The following GRM7 variants were observed in gnomAD, a reference collection of about 807,000 sequenced individuals.
The protein encoded by GRM7 is glutamate metabotropic receptor 7.
Under a neutral mutation model 84.5 loss-of-function variants are expected in GRM7, and 35 were observed. The observed-to-expected ratio is 0.41, with a 90% CI of 0.32 to 0.55. The LOEUF (loss-of-function observed/expected upper bound fraction) is 0.55, where lower values mean the gene tolerates loss of function less well. Ranked by LOEUF, GRM7 falls within the 20% of genes least tolerant of loss-of-function variation. The probability of loss-of-function intolerance (pLI) is 0.19; values close to 1 mark genes in which losing one functional copy is unlikely to be tolerated. For missense variants in GRM7, 1,003 were observed against 1,194.6 expected, an observed-to-expected ratio of 0.84 and a Z score of 2.36; for synonymous variants, 487 against 455.1, an observed-to-expected ratio of 1.07 and a Z score of -0.89.
chr3:7,697,395 CAGA>C (rs1161061807), intron 9 of GRM7, among the ~76,000 whole-genome samples: 3 of 152,030 alleles, frequency 2.0e-5, no homozygotes. Flanking sequence ...AAGTAAGGCT[CAGA>C]GAGGCTAAGA....
intron 7 of GRM7, among the ~76,000 whole-genome samples, chr3:7,502,112 A>G (rs764078730): frequency 7.2e-5 from 11 of 152,104 alleles, no homozygotes; most frequent in Non-Finnish European, 1.6e-4. Flanking sequence ...AAGCTTCACT[A>G]TCCTTATCTA....
rs139673808 is a variant in GRM7, at chr3:7,188,872, C to T, written c.736+42204C>T. Among the ~76,000 whole-genome samples, 48 of 152,328 alleles carry T rather than the reference C, an allele frequency of 3.2e-4. No individual in the cohort carries two copies. In the East Asian group the frequency reaches 7.1e-3, roughly 23 times the overall value. ...GACAGAGTAAAAGACACACCTGCTT[C>T]TTAACACCTACGGTTTTAAAGAAAT... On this transcript the variant is annotated intron_variant, in intron 2 of 9. Transcript: ENST00000357716. This position sits in a 1 kb window ranked among gnomAD's most constrained non-coding sequence, Gnocchi z 4.2.
chr3:7,685,459 C>T (rs751894272), intron 9 of GRM7, among the ~76,000 whole-genome samples: 37 of 151,980 alleles, frequency 2.4e-4, no homozygotes, highest in African/African-American at 3.6e-4. Context: ...AGATGGCAGG[C>T]GGGTGGACAG....
intron 2 of GRM7, among the ~76,000 whole-genome samples, chr3:7,244,483 A>T (rs1475303922): frequency 6.6e-6 from 1 of 152,130 alleles, no homozygotes; most frequent in South Asian, 2.1e-4. Context: ...GTCTCAGCAG[A>T]TATTTCAGCA....
At chr3:7,365,522 A>C (rs1408274967) in intron 4 of GRM7, among the ~76,000 whole-genome samples, 2 of 151,412 alleles carry the variant, frequency 1.3e-5, no homozygotes, top group African/African-American at 4.8e-5. Context: ...TCTTTTTAAT[A>C]GATTCCTTCA....
At chr3:7,613,907 A>G (rs527866852) in intron 8 of GRM7, among the ~76,000 whole-genome samples, 1 of 152,332 alleles carries the variant, frequency 6.6e-6, no homozygotes, top group African/African-American at 2.4e-5. Flanking sequence ...TCAAATGTTA[A>G]TTTAAAAATT....
chr3:6,963,462 A>G (rs777044580), intron 1 of GRM7, among the ~76,000 whole-genome samples: 6 of 152,200 alleles, frequency 3.9e-5, no homozygotes, highest in Non-Finnish European at 5.9e-5. Flanking sequence ...CTAACTGAAG[A>G]AGAGAATGCA....
intron 8 of GRM7, among the ~76,000 whole-genome samples, chr3:7,582,314 T>C (rs1210393911): frequency 1.3e-5 from 2 of 152,178 alleles, no homozygotes; most frequent in East Asian, 1.9e-4. Context: ...ATTCTATAGG[T>C]GATATGTTCA....
At chr3:7,013,768 A>AT (rs951116271) in intron 1 of GRM7, among the ~76,000 whole-genome samples, 10 of 151,372 alleles carry the variant, frequency 6.6e-5, no homozygotes, top group South Asian at 4.2e-4. Flanking sequence ...ATCTCTTACA[A>AT]TTTTTTTTTA....
chr3:6,864,730 C>T (rs961867893), intron 1 of GRM7, among the ~76,000 whole-genome samples: 1 of 152,022 alleles, frequency 6.6e-6, no homozygotes, highest in Non-Finnish European at 1.5e-5. Flanking sequence ...GAATACTTAG[C>T]GACTTAAATG....
At chr3:7,318,410 T>G (rs565778421) in intron 4 of GRM7, among the ~76,000 whole-genome samples, 1 of 152,036 alleles carries the variant, frequency 6.6e-6, no homozygotes, top group Non-Finnish European at 1.5e-5. Flanking sequence ...TATTATTAGT[T>G]TGGATTGAGT....
intron 2 of GRM7, among the ~76,000 whole-genome samples, chr3:7,212,124 A>T (rs1696450751): frequency 6.6e-6 from 1 of 151,864 alleles, no homozygotes; most frequent in South Asian, 2.1e-4. Flanking sequence ...CATATGTCAA[A>T]AATAGTATTA....
chr3:7,078,042 C>A (rs1167031258), intron 1 of GRM7, among the ~76,000 whole-genome samples: 1 of 152,170 alleles, frequency 6.6e-6, no homozygotes, highest in Admixed American at 6.5e-5. Flanking sequence ...ACAGCACAGG[C>A]ATTGGGTAAA....
At chr3:7,682,539 TACACACACACACAC>T (rs35042061) in intron 9 of GRM7, among the ~76,000 whole-genome samples, 3 of 117,800 alleles carry the variant, frequency 2.5e-5, no homozygotes, top group African/African-American at 7.1e-5. Flanking sequence ...TTTATTTTTG[TACACACACACACAC>T]ACACACACAC....
intron 8 of GRM7, among the ~76,000 whole-genome samples, chr3:7,656,512 A>AAATATAT (rs1425575927): frequency 3.3e-4 from 24 of 72,132 alleles, no homozygotes; most frequent in Admixed American, 1.5e-3. Context: ...CAAACAAACA[A>AAATATAT]ATAAAAAAAA....
intron 1 of GRM7, among the ~76,000 whole-genome samples, chr3:7,015,229 C>G (rs1042252963): frequency 6.6e-6 from 1 of 151,900 alleles, no homozygotes; most frequent in African/African-American, 2.4e-5. Context: ...GCTGCTCACT[C>G]TTTGGGTCCC....
At position 7,579,154 on chromosome 3, in the gene GRM7, G is replaced by T; in HGVS notation, c.2248G>T (p.Asp750Tyr). 2 of 1,613,812 alleles carry T rather than the reference G, an allele frequency of 1.2e-6. No individual in the cohort carries two copies. Among genetic ancestry groups the T allele is most frequent in the South Asian group, 1.1e-5 (1 of 91,068 alleles). ...GCAAGCCAGAGGGGTTCTCAAGTGT[G>T]ACATTACAGATCTCCAAATCATTTG... Reference protein sequence around the residue: ...PEQARGVLKCDITDLQIICSL... With the variant: ...PEQARGVLKCYITDLQIICSL... The change falls in exon 8 of 10, where the codon GAC becomes TAC. Residue 750 changes from aspartate (D) to tyrosine (Y), a missense_variant. Physicochemically the swap from Asp to Tyr is radical, Grantham distance 160. Transcript: ENST00000357716.
intron 8 of GRM7, among the ~76,000 whole-genome samples, chr3:7,675,579 C>A (rs1184487971): frequency 6.6e-6 from 1 of 152,184 alleles, no homozygotes; most frequent in Non-Finnish European, 1.5e-5. Flanking sequence ...GAGAAAATGG[C>A]ATGGAGCATG....
chr3:7,670,640 T>C (rs1385770352), intron 8 of GRM7, among the ~76,000 whole-genome samples: 1 of 28,508 alleles, frequency 3.5e-5, no homozygotes, highest in Non-Finnish European at 6.3e-5. Flanking sequence ...CTATGAAGAT[T>C]ACTTTAAAAT....
Sources: gnomAD v4.1 joint callset for allele counts (sites outside exome capture counted in the v4.1 genomes callset) on GRCh38, gnomAD v4.1.1 for gene constraint, Gnocchi (gnomAD v3.1) non-coding constraint, MANE v1.5 for transcripts, NCBI Gene and HGNC (gene_info 2026-07-23, HGNC 2026-07-21) for gene names.